Variants in VIT observed in about 807,000 individuals in gnomAD.
VIT encodes vitrin.
In VIT, 99 loss-of-function variants were observed where a neutral mutation model predicts 78.0. That is an observed-to-expected ratio of 1.27 (90% CI 1.08 to 1.50). The LOEUF is 1.50. Ranked by LOEUF, VIT falls within the 40% of genes most tolerant of loss-of-function variation. VIT has a pLI of 0.00. For missense variants in VIT, 1,126 were observed against 875.3 expected, an observed-to-expected ratio of 1.29 and a Z score of -3.61; for synonymous variants, 374 against 334.3, an observed-to-expected ratio of 1.12 and a Z score of -1.29.
chr2:36,740,780 A>G (rs1029744336), intron 3 of VIT, among the ~76,000 whole-genome samples: 2 of 152,232 alleles, frequency 1.3e-5, no homozygotes, highest in African/African-American at 4.8e-5. Context: ...GGGAAAATTG[A>G]TTAGCAGGAA....
At chr2:36,809,018 A>C (rs1666958754) in intron 15 of VIT, 33 bp downstream of exon 15, 1 of 1,534,696 alleles carries the variant, frequency 6.5e-7, no homozygotes, top group Admixed American at 2.0e-5. Flanking sequence ...CCTGGTGCTG[A>C]GGCTGCTTTC....
chr2:36,803,699 T>G (rs951980289), intron 13 of VIT, among the ~76,000 whole-genome samples: 1 of 152,320 alleles, frequency 6.6e-6, no homozygotes, highest in African/African-American at 2.4e-5. Context: ...ATGCTCTCAT[T>G]TGACAAGTAA....
chr2:36,807,003 G>A (rs1012789064), intron 14 of VIT, among the ~76,000 whole-genome samples: 1 of 152,014 alleles, frequency 6.6e-6, no homozygotes, highest in African/African-American at 2.4e-5. Flanking sequence ...TCCTCCTCTG[G>A]ACTTTACATG....
intron 12 of VIT, among the ~76,000 whole-genome samples, chr2:36,795,824 T>G (rs1220092292): frequency 2.6e-5 from 4 of 152,144 alleles, no homozygotes; most frequent in Admixed American, 2.0e-4. Context: ...GGACTCCAAA[T>G]GTAGTGCTGA....
intron 6 of VIT, among the ~76,000 whole-genome samples, chr2:36,766,514 G>A (rs1669439997): frequency 6.6e-6 from 1 of 152,154 alleles, no homozygotes; most frequent in Non-Finnish European, 1.5e-5. Flanking sequence ...CTGGGTGACA[G>A]AGCAAGATCC....
Position 36,808,949 on chromosome 2 carries a change from G to A in VIT, c.1867G>A (p.Asp623Asn), listed in dbSNP as rs751781886. 1.6e-5 allele frequency: 25 copies of A among 1,605,338 alleles called. No homozygotes were observed. The highest frequency in any genetic ancestry group is 6.7e-5 in the Admixed American group (4 of 59,702). The change falls in exon 15 of 16, where the codon GAC (aspartate) becomes AAC (asparagine). Residue 623 changes from aspartate (D) to asparagine (N), a missense_variant. Transcript: ENST00000379242. Reference protein sequence around the residue: ...ILITDGRSYDDVRIPAMAAHL... With the variant: ...ILITDGRSYDNVRIPAMAAHL... ...CATCACCGACGGGAGGTCCTACGAC[G>A]ACGTCCGGATCCCAGCCATGGCTGC...
At chr2:36,728,206 C>T (rs1323299647) in intron 2 of VIT, among the ~76,000 whole-genome samples, 1 of 152,190 alleles carries the variant, frequency 6.6e-6, no homozygotes, top group African/African-American at 2.4e-5. Context: ...GCTGGGATTA[C>T]AGGCGTGAGC....
intron 13 of VIT, among the ~76,000 whole-genome samples, chr2:36,801,730 G>C (rs1379053798): frequency 1.3e-5 from 2 of 151,202 alleles, no homozygotes; most frequent in African/African-American, 4.9e-5. Context: ...GAGCCAAGAT[G>C]GCGCCACTGC....
chr2:36,811,124 A>G, intron 15 of VIT, among the ~76,000 whole-genome samples: 1 of 152,200 alleles, frequency 6.6e-6, no homozygotes, highest in Admixed American at 6.5e-5. Flanking sequence ...GGGCACCCTC[A>G]TAATGGTGGG....
chr2:36,760,439 C>A (rs1669044865), intron 6 of VIT, among the ~76,000 whole-genome samples: 1 of 152,078 alleles, frequency 6.6e-6, no homozygotes, highest in African/African-American at 2.4e-5. Context: ...TTAATGGATC[C>A]AGTGGTCTAG....
chr2:36,766,048 A>T (rs1669408832), intron 6 of VIT, among the ~76,000 whole-genome samples: 1 of 152,184 alleles, frequency 6.6e-6, no homozygotes, highest in African/African-American at 2.4e-5. Flanking sequence ...CTCCCTGAGA[A>T]CTCACAGTTC....
intron 3 of VIT, among the ~76,000 whole-genome samples, chr2:36,737,447 A>G (rs910959136): frequency 1.3e-5 from 2 of 152,220 alleles, no homozygotes; most frequent in Non-Finnish European, 2.9e-5. Context: ...AGTGAGATAA[A>G]CACGATATTC....
chr2:36,699,584 T>TTATATG (rs60414565), intron 1 of VIT, among the ~76,000 whole-genome samples: 1 of 83,560 alleles, frequency 1.2e-5, no homozygotes, highest in Non-Finnish European at 2.6e-5. Context: ...TTAGAGGAGA[T>TTATATG]TATAGATATA....
At chr2:36,747,965 T>C (rs957369363) in intron 4 of VIT, among the ~76,000 whole-genome samples, 2 of 152,216 alleles carry the variant, frequency 1.3e-5, no homozygotes. Flanking sequence ...AAGTGTTTTA[T>C]TTCTCCTTTG....
intron 6 of VIT, among the ~76,000 whole-genome samples, chr2:36,760,390 T>C (rs1241269673): frequency 7.1e-6 from 1 of 141,674 alleles, no homozygotes; most frequent in Non-Finnish European, 1.5e-5. Context: ...TTTTGTCTTT[T>C]CTCTTAATTA....
intron 2 of VIT, among the ~76,000 whole-genome samples, chr2:36,717,475 A>C (rs1666239926): frequency 6.7e-6 from 1 of 148,630 alleles, no homozygotes. Flanking sequence ...TGACCTTGTG[A>C]TCCTCCTGCC....
At chr2:36,717,255 TGCAAGCTCTCCCTCCCG>T (rs1666206754) in intron 2 of VIT, among the ~76,000 whole-genome samples, 1 of 147,898 alleles carries the variant, frequency 6.8e-6, no homozygotes, top group South Asian at 2.2e-4. Flanking sequence ...CTTGGCTCAC[TGCAAGCTCTCCCTCCCG>T]GGTTCACCCC....
At chr2:36,738,064 T>C (rs1667615484) in intron 3 of VIT, among the ~76,000 whole-genome samples, 1 of 152,200 alleles carries the variant, frequency 6.6e-6, no homozygotes, top group Non-Finnish European at 1.5e-5. Flanking sequence ...TTTGCAGGTA[T>C]TTGGGGTAAA....
chr2:36,704,546 G>T (rs1277736768), intron 1 of VIT, among the ~76,000 whole-genome samples: 1 of 152,166 alleles, frequency 6.6e-6, no homozygotes, highest in Non-Finnish European at 1.5e-5. Flanking sequence ...TCCCAGGAAG[G>T]CCTCTGAAGT....
Sources: gnomAD v4.1 joint callset for allele counts (sites outside exome capture counted in the v4.1 genomes callset) on GRCh38, gnomAD v4.1.1 for gene constraint, MANE v1.5 for transcripts, NCBI Gene and HGNC (gene_info 2026-07-23, HGNC 2026-07-21) for gene names.